BAZ2B: variants seen among roughly 807,000 people sequenced by gnomAD.
BAZ2B encodes bromodomain adjacent to zinc finger domain protein 2B.
Under a neutral mutation model 246.0 loss-of-function variants are expected in BAZ2B, and 91 were observed. That is an observed-to-expected ratio of 0.37 (90% confidence interval 0.31 to 0.44). The LOEUF is 0.44. Among genes scored for constraint, BAZ2B ranks in the 20% least tolerant of loss-of-function variants. BAZ2B has a pLI of 1.00. For missense variants in BAZ2B, 2,332 were observed against 2,533.7 expected (o/e 0.92, Z 1.71); for synonymous variants, 855 against 860.0 (o/e 0.99, Z 0.10).
At chr2:159,631,898 A>AT in the BAZ2B span, among the ~76,000 whole-genome samples, 1,944 of 152,288 alleles carry the variant, frequency 0.013, 44 homozygotes, top group African/African-American at 0.044. Flanking sequence ...GTATATATAT[A>AT]TATGTACATC....
chr2:159,387,778 T>C (rs774210463), intron 21 of BAZ2B, among the ~76,000 whole-genome samples: 50 of 152,100 alleles, frequency 3.3e-4, no homozygotes, highest in Non-Finnish European at 6.6e-4. Context: ...AAATAAAAGA[T>C]ACAAGAAAAT....
intron 27 of BAZ2B, among the ~76,000 whole-genome samples, chr2:159,368,254 C>T (rs2060441472): frequency 6.6e-6 from 1 of 152,108 alleles, no homozygotes; most frequent in Admixed American, 6.5e-5. Flanking sequence ...GGTCTTGCTA[C>T]GTTGCCCAGG....
chr2:159,528,697 AG>A (rs1393452598), intron 2 of BAZ2B, among the ~76,000 whole-genome samples: 2 of 151,506 alleles, frequency 1.3e-5, no homozygotes, highest in East Asian at 1.9e-4. Flanking sequence ...AAAAAAAAAA[AG>A]AATAGTAGAG....
chr2:159,669,308 T>C, the BAZ2B span, among the ~76,000 whole-genome samples: 12 of 152,334 alleles, frequency 7.9e-5, no homozygotes, highest in African/African-American at 2.6e-4. Context: ...GAGAACAAAC[T>C]GCATAATTTC....
intron 1 of BAZ2B, among the ~76,000 whole-genome samples, chr2:159,600,566 T>C (rs1691899782): frequency 6.6e-6 from 1 of 152,212 alleles, no homozygotes; most frequent in African/African-American, 2.4e-5. Flanking sequence ...TCACATGATC[T>C]TGTCCCGAAA....
chr2:159,400,764 G>C (rs962437144), intron 16 of BAZ2B, 100 bp from the exon 17 acceptor site: 17 of 682,638 alleles, frequency 2.5e-5, no homozygotes, highest in Non-Finnish European at 4.0e-5. Flanking sequence ...GTACAGGTCA[G>C]GCGCAGTGGC....
chr2:159,603,131 C>T (rs180787946), intron 1 of BAZ2B, among the ~76,000 whole-genome samples: 2 of 151,972 alleles, frequency 1.3e-5, no homozygotes, highest in East Asian at 1.9e-4. Flanking sequence ...AGCGAGACTC[C>T]GTCTCAAAAA....
At chr2:159,413,504 T>TC (rs1256479564) in intron 13 of BAZ2B, among the ~76,000 whole-genome samples, 1 of 152,076 alleles carries the variant, frequency 6.6e-6, no homozygotes, top group Non-Finnish European at 1.5e-5. Flanking sequence ...GGTCAGGAGT[T>TC]CGAGACCAGC....
intron 31 of BAZ2B, among the ~76,000 whole-genome samples, chr2:159,345,721 CCAAT>C (rs2067669986): frequency 6.7e-6 from 1 of 149,540 alleles, no homozygotes; most frequent in African/African-American, 2.4e-5. Context: ...GCTTATGGAA[CCAAT>C]CAAATTTAAA....
chr2:159,491,897 T>G (rs909898336), intron 2 of BAZ2B, among the ~76,000 whole-genome samples: 2 of 152,104 alleles, frequency 1.3e-5, no homozygotes, highest in African/African-American at 4.8e-5. Context: ...TTGCTGAAGA[T>G]AGTCATTATT....
chr2:159,612,768 T>C (rs1049363595), intron 1 of BAZ2B, among the ~76,000 whole-genome samples: 7 of 152,100 alleles, frequency 4.6e-5, no homozygotes, highest in Admixed American at 1.3e-4. Context: ...ATCAACCAGC[T>C]GTCAAGTTGA....
At chr2:159,626,708 G>C in the BAZ2B span, among the ~76,000 whole-genome samples, 1 of 152,130 alleles carries the variant, frequency 6.6e-6, no homozygotes, top group Non-Finnish European at 1.5e-5. Flanking sequence ...GCCCACAAGA[G>C]AAAGGAGGAA....
At chr2:159,581,965 T>C (rs1686909325) in intron 1 of BAZ2B, among the ~76,000 whole-genome samples, 1 of 151,694 alleles carries the variant, frequency 6.6e-6, no homozygotes, top group African/African-American at 2.4e-5. Flanking sequence ...ATATACCTAA[T>C]GTAAATTACA....
At chr2:159,574,667 T>C (rs947270801) in intron 1 of BAZ2B, among the ~76,000 whole-genome samples, 7 of 152,152 alleles carry the variant, frequency 4.6e-5, no homozygotes, top group Non-Finnish European at 8.8e-5. Flanking sequence ...GACACACTCA[T>C]ACAATGAAAT....
chr2:159,581,292 A>G (rs78578922), intron 1 of BAZ2B, among the ~76,000 whole-genome samples: 9,949 of 152,356 alleles, frequency 0.065, 422 homozygotes, highest in Middle Eastern at 0.19. Flanking sequence ...AAAAGAAGAC[A>G]TTTATGCAGC....
intron 31 of BAZ2B, among the ~76,000 whole-genome samples, chr2:159,343,588 T>A (rs972597820): frequency 6.6e-6 from 1 of 152,018 alleles, no homozygotes; most frequent in African/African-American, 2.4e-5. Context: ...GGGCAAATAA[T>A]CTGAACAGAC....
At chr2:159,389,592 A>G in intron 20 of BAZ2B, 107 bp from the exon 21 acceptor site, 2 of 996,648 alleles carry the variant, frequency 2.0e-6, no homozygotes, top group Non-Finnish European at 2.7e-6. Context: ...CATTAATCTT[A>G]CTCTCTAATT....
At chr2:159,445,841 G>C (rs2193924) in intron 6 of BAZ2B, among the ~76,000 whole-genome samples, 54,216 of 152,088 alleles carry the variant, frequency 0.36, 10,633 homozygotes, top group Non-Finnish European at 0.47. Context: ...CCAGCCACAT[G>C]TGGTGGTTCA....
At chr2:159,332,397 G>A (rs974981799) in intron 34 of BAZ2B, 143 bp downstream of exon 34, 5 of 769,432 alleles carry the variant, frequency 6.5e-6, no homozygotes, top group African/African-American at 1.8e-5. Context: ...TGAGGCCAGA[G>A]GATAGCTTGA....
Sources: allele counts gnomAD v4.1 joint callset (sites outside exome capture counted in the v4.1 genomes callset), GRCh38; gene constraint gnomAD v4.1.1; transcripts MANE v1.5; gene names NCBI Gene and HGNC (gene_info 2026-07-23, HGNC 2026-07-21).